Variants in ATP11C observed in about 807,000 individuals in gnomAD.
ATP11C encodes the protein ATPase phospholipid transporting 11C (ATP11C blood group), also known as phospholipid-transporting ATPase IG.
In ATP11C, 36 loss-of-function variants were observed where a neutral mutation model predicts 97.4. The ratio of observed to expected loss-of-function variants is 0.37; its 90% CI spans 0.28 to 0.49. The LOEUF (loss-of-function observed/expected upper bound fraction) is 0.49. Among genes scored for constraint, ATP11C ranks in the 20% least tolerant of loss-of-function variants. ATP11C has a pLI of 0.98. For missense variants in ATP11C, 730 were observed against 824.6 expected (o/e 0.89, Z 1.40); for synonymous variants, 275 against 290.9 (o/e 0.95, Z 0.56).
chrX:139,767,583 T>C (rs2082164157), intron 20 of ATP11C, among the ~76,000 whole-genome samples: 1 of 111,441 alleles, frequency 9.0e-6, no homozygotes, highest in Non-Finnish European at 1.9e-5. Flanking sequence ...AGCACACAGG[T>C]AGAAATAGAA....
At chrX:139,740,904 G>C in intron 27 of ATP11C, 87 bp downstream of exon 27, 1 of 529,695 alleles carries the variant, frequency 1.9e-6, no homozygotes, top group Non-Finnish European at 3.1e-6. Flanking sequence ...AATTTTTAAA[G>C]TATAATGAAT....
At position 139,797,251 on chromosome X, in the gene ATP11C, A is replaced by G. The variant is rs1285419539; in HGVS notation, c.933T>C (p.Tyr311=). 3.3e-6 allele frequency: 4 copies of G among 1,197,703 alleles called. No individual in the cohort carries two copies. The highest frequency in any genetic ancestry group is 3.4e-6 in the Non-Finnish European group (3 of 885,801). Residue 311 remains tyrosine, a synonymous_variant, in exon 11 of 30, where the codon TAT becomes TAC. Coordinates refer to ENST00000682941, the MANE Select transcript of ATP11C (RefSeq NM_001353812.2). The stretch of plus-strand genomic sequence containing the variant: ...CATTGTATGGGGTACTTTGCCAAAC[A>G]TACTTTAGAGTAGTGCATACTGCAG... The part of the protein sequence containing the change: ...TKAAVCTTLK[Y]VWQSTPYNDE...
chrX:139,911,300 A>G (rs1252883697), intron 1 of ATP11C, among the ~76,000 whole-genome samples: 1 of 112,070 alleles, frequency 8.9e-6, no homozygotes, highest in African/African-American at 3.2e-5. Flanking sequence ...ATAACCCAAT[A>G]GAAAATAGTA....
In ATP11C at chrX:139,728,763, G is replaced by T; in HGVS notation, c.*203C>A. ...GCCATAAAGGCTACTTACAATAATG[G>T]TAAATGCTTAAGAGAATCATTTGGT... is the stretch of plus-strand genomic sequence containing the variant. On this transcript the variant is annotated 3_prime_UTR_variant, in exon 30 of 30. Coordinates refer to ENST00000682941, the MANE Select transcript of ATP11C (RefSeq NM_001353812.2). 2.3e-6 allele frequency: 1 copy of T among 430,873 alleles called. No homozygotes were observed. The highest frequency in any genetic ancestry group is 3.9e-5 in the East Asian group (1 of 25,952). 35.5% of individuals were successfully genotyped at this position (430,873 alleles called of 1,213,427 possible).
intron 1 of ATP11C, among the ~76,000 whole-genome samples, chrX:139,880,781 A>G (rs1227147854): frequency 8.9e-6 from 1 of 111,952 alleles, no homozygotes; most frequent in Admixed American, 9.5e-5. Context: ...GAGAATTATA[A>G]TAGAAATTTG....
intron 1 of ATP11C, among the ~76,000 whole-genome samples, chrX:139,911,912 C>T (rs765284633): frequency 1.8e-5 from 2 of 110,303 alleles, no homozygotes; most frequent in East Asian, 2.9e-4. Context: ...CGGTGGATCA[C>T]GCCTGTAATA....
intron 23 of ATP11C, among the ~76,000 whole-genome samples, chrX:139,756,469 T>G (rs1011622216): frequency 9.0e-6 from 1 of 111,697 alleles, no homozygotes; most frequent in African/African-American, 3.3e-5. Flanking sequence ...GCAATCCCAT[T>G]ACTGGGTATA....
At chrX:139,858,363 C>T (rs1416942738) in intron 1 of ATP11C, among the ~76,000 whole-genome samples, 1 of 111,817 alleles carries the variant, frequency 8.9e-6, no homozygotes, top group Non-Finnish European at 1.9e-5. Flanking sequence ...TCTCAGTTTC[C>T]TTTGCCAGAT....
At chrX:139,790,775 A>G (rs1401887062) in intron 12 of ATP11C, among the ~76,000 whole-genome samples, 2 of 111,866 alleles carry the variant, frequency 1.8e-5, no homozygotes, top group African/African-American at 3.2e-5. Flanking sequence ...TTTACTATAC[A>G]TATTTTGAAA....
chrX:139,735,423 TAG>T (rs1364313626), intron 28 of ATP11C, among the ~76,000 whole-genome samples: 2 of 111,544 alleles, frequency 1.8e-5, no homozygotes, highest in African/African-American at 6.5e-5. Context: ...CTACTCTAGG[TAG>T]AGACACACAT....
chrX:139,859,568 C>A (rs2084147587), intron 1 of ATP11C, among the ~76,000 whole-genome samples: 1 of 111,946 alleles, frequency 8.9e-6, no homozygotes, highest in Non-Finnish European at 1.9e-5. Context: ...GCTAAGTATT[C>A]CTACAACTAG....
chrX:139,857,007 TCAGC>T (rs905401526), intron 1 of ATP11C, among the ~76,000 whole-genome samples: 2 of 111,558 alleles, frequency 1.8e-5, no homozygotes, highest in Non-Finnish European at 3.8e-5. Flanking sequence ...ATCCAATGAG[TCAGC>T]CAGCAACTCA....
In ATP11C at chrX:139,783,365, T is replaced by G. The variant is rs780951292; in HGVS notation, c.1667-98A>C. The G allele has an allele frequency of 5.9e-5, 33 of 562,903 alleles. No homozygotes were observed. In the East Asian group the frequency reaches 9.3e-4, roughly 16 times the overall value. The allele number at this position is 562,903 out of a possible 1,213,427, so 46.4% of individuals were successfully genotyped here. On this transcript the variant is annotated intron_variant, in intron 16 of 29. Coordinates refer to ENST00000682941, the MANE Select transcript of ATP11C (RefSeq NM_001353812.2). ...TAAAGCGGTCTCTCTCACCCAAGTG[T>G]TGTATATTCTGAGCACACCTTGCAA...
At chrX:139,748,039 T>C (rs1672816196) in intron 24 of ATP11C, among the ~76,000 whole-genome samples, 1 of 112,260 alleles carries the variant, frequency 8.9e-6, no homozygotes. Flanking sequence ...TGATATTTTG[T>C]ACTCAACAGC....
chrX:139,773,408 T>C (rs2082293213), intron 19 of ATP11C, among the ~76,000 whole-genome samples: 1 of 111,152 alleles, frequency 9.0e-6, no homozygotes, highest in South Asian at 3.8e-4. Context: ...GGCGGCCATT[T>C]GCAAGCCAGA....
chrX:139,808,376 T>C (rs756301425), intron 5 of ATP11C, among the ~76,000 whole-genome samples: 8 of 111,181 alleles, frequency 7.2e-5, no homozygotes, highest in Non-Finnish European at 1.5e-4. Context: ...CGACAAACAA[T>C]AGATCCAAGA....
intron 1 of ATP11C, among the ~76,000 whole-genome samples, chrX:139,883,759 G>C (rs775317601): frequency 9.0e-6 from 1 of 111,647 alleles, no homozygotes; most frequent in Non-Finnish European, 1.9e-5. Context: ...AAATTTTACA[G>C]ACTGAATATA....
chrX:139,882,041 A>T (rs777715831), intron 1 of ATP11C, among the ~76,000 whole-genome samples: 1 of 111,722 alleles, frequency 9.0e-6, no homozygotes, highest in Non-Finnish European at 1.9e-5. Flanking sequence ...TTGCTTAAGC[A>T]GTTCCCTCTG....
At chrX:139,880,337 G>A (rs1260632920) in intron 1 of ATP11C, among the ~76,000 whole-genome samples, 11 of 111,707 alleles carry the variant, frequency 9.8e-5, no homozygotes, top group Non-Finnish European at 1.9e-5. Context: ...GTGAGTATGA[G>A]ATGTCTTTGG....
Sources: gnomAD v4.1 joint callset for allele counts (sites outside exome capture counted in the v4.1 genomes callset) on GRCh38, gnomAD v4.1.1 for gene constraint, MANE v1.5 for transcripts, NCBI Gene and HGNC (gene_info 2026-07-23, HGNC 2026-07-21) for gene names.